KLHL6: variants seen among roughly 807,000 people sequenced by gnomAD.
KLHL6 encodes kelch like family member 6.
A neutral mutation model predicts 58.6 loss-of-function variants in KLHL6; 41 were observed. That is an observed-to-expected ratio of 0.70 (90% CI 0.55 to 0.91). The LOEUF is 0.91. Among genes scored for constraint, KLHL6 ranks in the 40% least tolerant of loss-of-function variants. The probability of loss-of-function intolerance (pLI) is 0.00; values close to 1 mark genes in which losing one functional copy is unlikely to be tolerated. For synonymous variants in KLHL6, 338 were observed against 322.7 expected, an observed-to-expected ratio of 1.05 and a Z score of -0.51; for missense variants, 714 against 805.6, an observed-to-expected ratio of 0.89 and a Z score of 1.38.
Position 183,511,365 on chromosome 3 carries a change from A to G in KLHL6, c.460-2857T>C, listed in dbSNP as rs544399340. On this transcript the variant is annotated intron_variant, in intron 2 of 6. Transcript: ENST00000341319. ...CACAGGGCGGTTTTTCTCCTATCTC[A>G]GAACTGAACAAATGTACAATCGGGT... 7.9e-5 allele frequency among the ~76,000 whole-genome samples: 12 copies of G among 152,362 alleles called. No individual in the cohort carries two copies. In the East Asian group the frequency reaches 2.3e-3, roughly 29 times the overall value.
At chr3:183,501,027 G>A (rs138599764) in intron 3 of KLHL6, among the ~76,000 whole-genome samples, 2 of 152,310 alleles carry the variant, frequency 1.3e-5, no homozygotes, top group Non-Finnish European at 2.9e-5. Flanking sequence ...TAGGAGCCTG[G>A]TACAGTGAGT....
chr3:183,539,957 A>G (rs1324272241), intron 1 of KLHL6, among the ~76,000 whole-genome samples: 3 of 152,208 alleles, frequency 2.0e-5, no homozygotes, highest in African/African-American at 4.8e-5. Context: ...AAGAACATCA[A>G]TTACAACATA....
chr3:183,502,967 G>A (rs79499937), intron 3 of KLHL6, among the ~76,000 whole-genome samples: 1,593 of 152,302 alleles, frequency 0.01, 25 homozygotes, highest in African/African-American at 0.036. Context: ...GCCGAGTGGT[G>A]GCATCATTAC....
intron 1 of KLHL6, among the ~76,000 whole-genome samples, chr3:183,534,940 A>G (rs1365173171): frequency 8.8e-6 from 1 of 113,262 alleles, no homozygotes; most frequent in Non-Finnish European, 1.7e-5. Context: ...ATACATATAT[A>G]TATATATATA....
At position 183,530,670 on chromosome 3, in the gene KLHL6, G is replaced by C. The variant is rs573837562; in HGVS notation, c.294-2660C>G. On this transcript the variant is annotated intron_variant, in intron 1 of 6. Coordinates refer to ENST00000341319, the MANE Select transcript of KLHL6 (RefSeq NM_130446.4). ...TTCTGAAGAGAACGCCAAAAATGTG[G>C]CTGGACTATCATTTAATAAAATGCT... 2.0e-5 allele frequency among the ~76,000 whole-genome samples: 3 copies of C among 152,246 alleles called. No homozygotes were observed. In the East Asian group the frequency reaches 5.8e-4, roughly 29 times the overall value.
rs1288224803 is a variant in KLHL6, at chr3:183,490,934, C to A, written c.*993G>T. ...CCTATGAGATGTTCTTGGCAAGGAG[C>A]CCAAATGACTCCTTGGTTTAAATAT... On this transcript the variant is annotated 3_prime_UTR_variant, in exon 7 of 7. Transcript: ENST00000341319. 6.6e-6 allele frequency: 1 copy of A among 152,040 alleles called. No homozygotes were observed. Among genetic ancestry groups the A allele is most frequent in the African/African-American group, 2.4e-5 (1 of 41,366 alleles). 9.4% of individuals were successfully genotyped at this position (152,040 alleles called of 1,614,324 possible). A position where few individuals can be genotyped will look rare whatever the true frequency, so the allele number is the denominator to read the frequency against.
At chr3:183,547,000 C>T (rs1233167866) in intron 1 of KLHL6, among the ~76,000 whole-genome samples, 3 of 152,036 alleles carry the variant, frequency 2.0e-5, no homozygotes, top group Admixed American at 6.6e-5. Flanking sequence ...CAACCTCCGC[C>T]GTCCGGGTTC....
rs1712033803 is a variant in KLHL6 at position 183,527,970 on chromosome 3, T to C, written c.334A>G (p.Arg112Gly). The change falls in exon 2 of 7, where the codon AGG (arginine) becomes GGG (glycine). Residue 112 changes from arginine (R) to glycine (G), a missense_variant. This residue lies in a region of KLHL6 where 204 missense variants were observed against 175.9 expected (regional missense o/e 1.16). Coordinates refer to ENST00000341319, the MANE Select transcript of KLHL6 (RefSeq NM_130446.4). ...CNDLKEKYEK[R>G]IIIKGVDAET... The stretch of plus-strand genomic sequence containing the variant: ...GCATCAACCCCTTTAATAATGATCC[T>C]TTTCTCATACTTTTCCTTTAAATCG... 6.2e-7 allele frequency: 1 copy of C among 1,613,856 alleles called. No homozygotes were observed. The highest frequency in any genetic ancestry group is 1.1e-5 in the South Asian group (1 of 91,072).
chr3:183,551,154 C>T (rs1712902520), intron 1 of KLHL6, among the ~76,000 whole-genome samples: 1 of 151,312 alleles, frequency 6.6e-6, no homozygotes, highest in African/African-American at 2.4e-5. Context: ...ACTTCCCATG[C>T]ACTCTTTCTT....
chr3:183,530,049 C>T (rs1482952086), intron 1 of KLHL6, among the ~76,000 whole-genome samples: 2 of 152,212 alleles, frequency 1.3e-5, no homozygotes, highest in East Asian at 1.9e-4. Flanking sequence ...ACTCCAATCT[C>T]GGACTTTCAG....
At chr3:183,552,684 C>T (rs994072882) in intron 1 of KLHL6, among the ~76,000 whole-genome samples, 1 of 144,000 alleles carries the variant, frequency 6.9e-6, no homozygotes, top group Non-Finnish European at 1.5e-5. Flanking sequence ...TGCCACTGCA[C>T]TCCAGCCTGG....
intron 3 of KLHL6, among the ~76,000 whole-genome samples, chr3:183,502,584 G>C (rs1462868459): frequency 1.3e-5 from 2 of 152,106 alleles, no homozygotes; most frequent in East Asian, 3.9e-4. Context: ...ATTTGCTCTG[G>C]GGGAGGTCAG....
chr3:183,535,702 G>A (rs1350734960), intron 1 of KLHL6, among the ~76,000 whole-genome samples: 1 of 152,226 alleles, frequency 6.6e-6, no homozygotes, highest in Admixed American at 6.5e-5. Flanking sequence ...TGAAGTCAAT[G>A]TGTTTCCCAT....
At chr3:183,547,005 G>A (rs534475773) in intron 1 of KLHL6, among the ~76,000 whole-genome samples, 1 of 150,520 alleles carries the variant, frequency 6.6e-6, no homozygotes, top group Admixed American at 6.7e-5. Context: ...TCCGCCGTCC[G>A]GGTTCAATCG....
chr3:183,508,655 A>T, intron 2 of KLHL6, 147 bp from the exon 3 acceptor site: 1 of 652,566 alleles, frequency 1.5e-6, no homozygotes, highest in Non-Finnish European at 2.6e-6. Flanking sequence ...TAATTCATTC[A>T]TACAGTAGAC....
chr3:183,492,976 A>C lies in KLHL6; in HGVS notation c.1351-269T>G, dbSNP rs1717616844. 1.1e-5 allele frequency: 5 copies of C among 451,116 alleles called. No homozygotes were observed. The highest frequency in any genetic ancestry group is 7.3e-5 in the Admixed American group (2 of 27,520). 27.9% of individuals were successfully genotyped at this position (451,116 alleles called of 1,614,324 possible). ...CGGAATCCAGCTCTCAGGCAAGAAT[A>C]AGTTTATACAGATGAAGTCAGCCAG... On this transcript the variant is annotated intron_variant, in intron 5 of 6. Transcript: ENST00000341319. The surrounding 1 kb of genome is among the most constrained non-coding windows in gnomAD (Gnocchi z 5.9).
chr3:183,510,516 T>C (rs1275729130), intron 2 of KLHL6, among the ~76,000 whole-genome samples: 1 of 152,166 alleles, frequency 6.6e-6, no homozygotes, highest in Non-Finnish European at 1.5e-5. Flanking sequence ...CCTGACTTTT[T>C]GGATCAACCT....
At chr3:183,511,104 GA>G (rs936065942) in intron 2 of KLHL6, among the ~76,000 whole-genome samples, 2 of 152,128 alleles carry the variant, frequency 1.3e-5, no homozygotes, top group African/African-American at 4.8e-5. Flanking sequence ...AGTATTTATT[GA>G]TTACTATTTT....
chr3:183,545,072 G>A lies in KLHL6; in HGVS notation c.293+10289C>T, dbSNP rs180820826. Among the ~76,000 whole-genome samples, 4 of 152,292 alleles carry A rather than the reference G, an allele frequency of 2.6e-5. No individual in the cohort carries two copies. In the East Asian group the frequency reaches 7.7e-4, roughly 29 times the overall value. On this transcript the variant is annotated intron_variant, in intron 1 of 6. Transcript: ENST00000341319. Reference sequence around the variant, plus strand: ...AAACCCAACCTGAGAGAAGCCAAGTGAGGGGTGGAGAAAGAGCACGCAGGC... The same window carrying A: ...AAACCCAACCTGAGAGAAGCCAAGTAAGGGGTGGAGAAAGAGCACGCAGGC...
Sources: gnomAD v4.1 joint callset for allele counts (sites outside exome capture counted in the v4.1 genomes callset) on GRCh38, gnomAD v4.1.1 for gene constraint, gnomAD v4.1.1 regional missense constraint, Gnocchi (gnomAD v3.1) non-coding constraint, MANE v1.5 for transcripts, NCBI Gene and HGNC (gene_info 2026-07-23, HGNC 2026-07-21) for gene names.